The following API5 variants were observed in gnomAD, a reference collection of about 807,000 sequenced individuals.
API5 encodes the protein FIF.
In API5, 6 loss-of-function variants were observed where a neutral mutation model predicts 71.9. The observed-to-expected ratio is 0.08, with a 90% confidence interval of 0.05 to 0.16. The LOEUF (loss-of-function observed/expected upper bound fraction) is 0.16. Ranked by LOEUF, API5 falls within the 10% of genes least tolerant of loss-of-function variation. API5 has a pLI of 1.00. For missense variants in API5, 332 were observed against 612.8 expected (o/e 0.54, Z 4.84); for synonymous variants, 189 against 221.3 (o/e 0.85, Z 1.30).
intron 10 of API5, 144 bp from the exon 11 acceptor site, chr11:43,330,364 A>G: frequency 1.4e-6 from 1 of 710,464 alleles, no homozygotes; most frequent in Non-Finnish European, 2.5e-6. Flanking sequence ...AATACGCATT[A>G]TCTATAGATT....
intron 2 of API5, among the ~76,000 whole-genome samples, chr11:43,320,160 C>G (rs1416452671): frequency 6.7e-6 from 1 of 148,422 alleles, no homozygotes; most frequent in Non-Finnish European, 1.5e-5. Flanking sequence ...ATTCTTCTGT[C>G]TTAGCCTCCC....
intron 12 of API5, 91 bp downstream of exon 12, chr11:43,335,445 C>G (rs1442994101): frequency 1.4e-6 from 1 of 733,606 alleles, no homozygotes; most frequent in Non-Finnish European, 2.3e-6. Context: ...TTAAATGATT[C>G]ATAATAGCAT....
chr11:43,330,706 C>T (rs1045077210), intron 11 of API5, 142 bp downstream of exon 11: 2 of 665,490 alleles, frequency 3.0e-6, no homozygotes, highest in African/African-American at 3.7e-5. Flanking sequence ...CAGATAGATA[C>T]AGTCTCAGAA....
In API5 at chr11:43,328,812, G is replaced by A. The variant is rs1855156293; in HGVS notation, c.1046G>A (p.Ser349Asn). The change falls in exon 9 of 14, where the codon AGT becomes AAT. Residue 349 changes from serine (S) to asparagine (N), a missense_variant. Transcript: ENST00000531273. ...QFSYVECLLY[S>N]FHQLGRKLPD... ...AGTTATGTGGAATGTTTGTTGTACAGTTTTCACCAGTTGGGCCGAAAACTT... is the reference window on the plus strand; with the variant it reads ...AGTTATGTGGAATGTTTGTTGTACAATTTTCACCAGTTGGGCCGAAAACTT... 1 of 1,614,050 alleles carries A rather than the reference G, an allele frequency of 6.2e-7. No homozygotes were observed. Among genetic ancestry groups the A allele is most frequent in the African/African-American group, 1.3e-5 (1 of 74,996 alleles).
At position 43,327,778 on chromosome 11, in the gene API5, G is replaced by C; in HGVS notation, c.856-11G>C. On this transcript the variant is annotated splice_polypyrimidine_tract_variant and intron_variant, in intron 7 of 13. Transcript: ENST00000531273. ...TTCAAAAAAACAGTAATAGTGAATT[G>C]TGTGTTTTAGGTATTGAAATTGTTG... The C allele has an allele frequency of 6.2e-7, 1 of 1,600,628 alleles. No homozygotes were observed. Among genetic ancestry groups the C allele is most frequent in the Non-Finnish European group, 8.5e-7 (1 of 1,171,920 alleles).
chr11:43,330,680 G>C (rs1855221682), intron 11 of API5, 116 bp downstream of exon 11: 1 of 796,820 alleles, frequency 1.3e-6, no homozygotes, highest in African/African-American at 1.8e-5. Flanking sequence ...ACTTCTTCTG[G>C]CTCAAAGCAT....
chr11:43,320,412 CT>C (rs1211718762), intron 2 of API5, among the ~76,000 whole-genome samples: 1 of 151,824 alleles, frequency 6.6e-6, no homozygotes, highest in East Asian at 1.9e-4. Flanking sequence ...TCGTATGCCC[CT>C]AATGATGGCT....
rs546179495 is a variant in API5, at chr11:43,335,855, C to T, written c.1356-3C>T. 9 of 1,598,962 alleles carry T rather than the reference C, an allele frequency of 5.6e-6. No homozygotes were observed. The South Asian group carries it at 1.0e-4, about 18-fold the overall frequency. ...TGAATTGCTCTTCTTCCTATTGTTACAGGCAAAAGAGAGCCAGTGAAGATA... is the reference window on the plus strand; with the variant it reads ...TGAATTGCTCTTCTTCCTATTGTTATAGGCAAAAGAGAGCCAGTGAAGATA... On this transcript the variant is annotated splice_region_variant and splice_polypyrimidine_tract_variant and intron_variant, in intron 12 of 13. Transcript: ENST00000531273.
intron 13 of API5, among the ~76,000 whole-genome samples, chr11:43,339,984 A>T (rs950486985): frequency 3.0e-4 from 45 of 152,302 alleles, no homozygotes; most frequent in Admixed American, 1.4e-3. Context: ...TCCAAACTAG[A>T]ATGGAGAAGT....
rs75380901 is a variant in API5 at position 43,327,855 on chromosome 11, A to C, written c.922A>C (p.Arg308=). 9 of 1,612,558 alleles carry C rather than the reference A, an allele frequency of 5.6e-6. No individual in the cohort carries two copies. In the East Asian group the frequency reaches 2.0e-4, roughly 36 times the overall value. ...CATGGAAAAACTAGAAACAAATTTAAGGAAACTATTTGATAAGTTATTGGT... is the reference window on the plus strand; with the variant it reads ...CATGGAAAAACTAGAAACAAATTTACGGAAACTATTTGATAAGTTATTGGT... ...GDMEKLETNL[R]KLFDKLLEYM... is the part of the protein sequence containing the mutation. Residue 308 remains arginine (R), a synonymous_variant, in exon 8 of 14, where the codon AGG becomes CGG. Coordinates refer to ENST00000531273, the MANE Select transcript of API5 (RefSeq NM_001142930.2).
intron 11 of API5, among the ~76,000 whole-genome samples, chr11:43,333,402 G>C (rs1855322776): frequency 6.6e-6 from 1 of 152,148 alleles, no homozygotes; most frequent in African/African-American, 2.4e-5. Context: ...AAGAATGCTG[G>C]TCAGTGCTCC....
chr11:43,328,911 T>A lies in API5; in HGVS notation c.1127+18T>A. The A allele has an allele frequency of 6.2e-7, 1 of 1,612,718 alleles. No individual in the cohort carries two copies. Among genetic ancestry groups the A allele is most frequent in the Non-Finnish European group, 8.5e-7 (1 of 1,178,834 alleles). ...AAAATCAGGTGATATATGATTGAGG[T>A]GGCTCAATCCTTGGCAAAGGTGGTA... On this transcript the variant is annotated intron_variant, in intron 9 of 13. Transcript: ENST00000531273.
chr11:43,328,539 G>C (rs1855148503), intron 8 of API5, among the ~76,000 whole-genome samples, 173 bp from the exon 9 acceptor site: 1 of 152,168 alleles, frequency 6.6e-6, no homozygotes, highest in South Asian at 2.1e-4. Context: ...TTAATATGGA[G>C]CGTTGACAGG....
chr11:43,324,926 G>T (rs1003906545), intron 6 of API5, among the ~76,000 whole-genome samples: 8 of 151,838 alleles, frequency 5.3e-5, no homozygotes, highest in African/African-American at 1.9e-4. Context: ...CAATCCACCT[G>T]CCTCAGCCTC....
intron 13 of API5, among the ~76,000 whole-genome samples, chr11:43,341,864 T>C (rs1855627347): frequency 6.6e-6 from 1 of 152,026 alleles, no homozygotes; most frequent in Non-Finnish European, 1.5e-5. Context: ...TTAAGTTTTT[T>C]AAAAAGTGTA....
chr11:43,334,324 T>A (rs1354586961), intron 11 of API5, among the ~76,000 whole-genome samples: 1 of 152,176 alleles, frequency 6.6e-6, no homozygotes. Flanking sequence ...ATGTTTATAA[T>A]TGAAGATTTG....
At chr11:43,316,158 C>G (rs1474345291) in intron 1 of API5, among the ~76,000 whole-genome samples, 1 of 152,088 alleles carries the variant, frequency 6.6e-6, no homozygotes, top group Non-Finnish European at 1.5e-5. Context: ...AAACCACTGA[C>G]CAACCAAGTT....
At position 43,312,061 on chromosome 11, in the gene API5, T is replaced by A. The variant is rs1298795241; in HGVS notation, c.-67T>A. On this transcript the variant is annotated 5_prime_UTR_variant, in exon 1 of 14. Coordinates refer to ENST00000531273, the MANE Select transcript of API5 (RefSeq NM_001142930.2). ...GTGCGGGTAGTGGGTTTGGAGAAGT[T>A]CCGAGGCGGCGGTGGCGCCGGTCAG... 2.5e-6 allele frequency: 4 copies of A among 1,576,626 alleles called. No homozygotes were observed. The highest frequency in any genetic ancestry group is 1.1e-5 in the South Asian group (1 of 89,322).
At position 43,320,817 on chromosome 11, in the gene API5, C is replaced by G. The variant is rs759168092; in HGVS notation, c.232-4C>G. ...GGTTAATTTTTGTTTGAAATCATGC[C>G]CAGATTCGACGTCAAGCAATTAAAG... is the stretch of plus-strand genomic sequence containing the variant. On this transcript the variant is annotated splice_polypyrimidine_tract_variant and splice_region_variant and intron_variant, in intron 2 of 13. Coordinates refer to ENST00000531273, the MANE Select transcript of API5 (RefSeq NM_001142930.2). 21 of 1,610,248 alleles carry G rather than the reference C, an allele frequency of 1.3e-5. No homozygotes were observed. Among genetic ancestry groups the G allele is most frequent in the Non-Finnish European group, 1.8e-5 (21 of 1,179,000 alleles).
Sources: gnomAD v4.1 joint callset for allele counts (sites outside exome capture counted in the v4.1 genomes callset) on GRCh38, gnomAD v4.1.1 for gene constraint, MANE v1.5 for transcripts, NCBI Gene and HGNC (gene_info 2026-07-23, HGNC 2026-07-21) for gene names.